Variants in RHD observed in about 807,000 individuals in gnomAD.
RHD encodes the protein blood group Rh(D) polypeptide.
In RHD, 16 loss-of-function variants were observed where a neutral mutation model predicts 45.5. That is an observed-to-expected ratio of 0.35 (90% CI 0.24 to 0.53). The LOEUF (loss-of-function observed/expected upper bound fraction) is 0.53, where lower values mean the gene tolerates loss of function less well. Ranked by LOEUF, RHD falls within the 20% of genes least tolerant of loss-of-function variation. The pLI, the probability that RHD is intolerant of heterozygous loss-of-function variation, is 0.92. For missense variants in RHD, 306 were observed against 532.0 expected (o/e 0.58, Z 4.18); for synonymous variants, 131 against 217.5 (o/e 0.60, Z 3.50).
At chr1:25,286,524 T>C (rs2124628911) in intron 2 of RHD, among the ~76,000 whole-genome samples, 1 of 135,014 alleles carries the variant, frequency 7.4e-6, no homozygotes, top group East Asian at 1.9e-4. Context: ...CAGTGGTTCA[T>C]GCCTGTAATC....
intron 7 of RHD, among the ~76,000 whole-genome samples, chr1:25,313,485 T>C (rs1237062482): frequency 7.5e-6 from 1 of 132,860 alleles, no homozygotes; most frequent in Non-Finnish European, 1.8e-5. Context: ...TAAGCATTGC[T>C]GTACCCTTTT....
chr1:25,318,457 G>A (rs544884001), intron 8 of RHD, among the ~76,000 whole-genome samples: 2 of 130,342 alleles, frequency 1.5e-5, no homozygotes, highest in South Asian at 2.4e-4. Context: ...GCGTGGTGGC[G>A]TGTGCCTGTA....
Position 25,301,763 on chromosome 1 carries a change from A to T in RHD, c.801+77A>T, listed in dbSNP as rs1364159761. On this transcript the variant is annotated intron_variant, in intron 5 of 9. Coordinates refer to ENST00000328664, the MANE Select transcript of RHD (RefSeq NM_016124.6). ...ACATATTTATGCCCCTCCCCACCCC[A>T]GGGCCAGCGTGGGTTGGGAGAGGGC... The T allele has an allele frequency of 1.0e-5, 11 of 1,062,772 alleles. No individual in the cohort carries two copies. The Admixed American group carries it at 2.0e-4, about 19-fold the overall frequency. 65.8% of individuals were successfully genotyped at this position (1,062,772 alleles called of 1,614,324 possible).
intron 6 of RHD, among the ~76,000 whole-genome samples, chr1:25,305,790 CG>C (rs1192241113): frequency 3.1e-5 from 4 of 130,078 alleles, no homozygotes; most frequent in Admixed American, 3.0e-4. Context: ...TTAGTAGAGA[CG>C]GGGTTTCACC....
chr1:25,312,912 C>T (rs1308461816), intron 7 of RHD, among the ~76,000 whole-genome samples: 2 of 11,448 alleles, frequency 1.7e-4, no homozygotes, highest in Non-Finnish European at 2.7e-4. Flanking sequence ...AGAGCAAAAT[C>T]CCATCTCTAA....
chr1:25,320,752 G>A lies in RHD; in HGVS notation c.1154-1137G>A, dbSNP rs1366573483. 1.5e-5 allele frequency among the ~76,000 whole-genome samples: 2 copies of A among 132,026 alleles called. 1 individual carries two copies. Among genetic ancestry groups the A allele is most frequent in the Non-Finnish European group, 3.6e-5 (2 of 55,720 alleles). The allele number at this position is 132,026 out of a possible 152,430, so 86.6% of individuals were successfully genotyped here. A position where few individuals can be genotyped will look rare whatever the true frequency, so the allele number is the denominator to read the frequency against. ...AGCTATCTGGGCAGAGAGTAGACAG[G>A]GAATGGAGGTTGGGCACAGTGGCTC... On this transcript the variant is annotated intron_variant, in intron 8 of 9. Transcript: ENST00000328664.
rs1488232433 is a variant in RHD at position 25,316,322 on chromosome 1, C to T, written c.1074-678C>T. Among the ~76,000 whole-genome samples the T allele has an allele frequency of 2.3e-5, 3 of 129,218 alleles. 1 individual carries two copies. Among genetic ancestry groups the T allele is most frequent in the African/African-American group, 5.3e-5 (2 of 37,570 alleles). The allele number at this position is 129,218 out of a possible 152,430, so 84.8% of individuals were successfully genotyped here. A position where few individuals can be genotyped will look rare whatever the true frequency, so the allele number is the denominator to read the frequency against. On this transcript the variant is annotated intron_variant, in intron 7 of 9. Coordinates refer to ENST00000328664, the MANE Select transcript of RHD (RefSeq NM_016124.6). Reference sequence around the variant, plus strand: ...AGAACCTTCATCTTTAATTGCCTAACGAGAAAACTGGGGCTGGCCAGATGT... The same window carrying T: ...AGAACCTTCATCTTTAATTGCCTAATGAGAAAACTGGGGCTGGCCAGATGT...
At chr1:25,286,144 C>T (rs1641966334) in intron 2 of RHD, among the ~76,000 whole-genome samples, 1 of 135,136 alleles carries the variant, frequency 7.4e-6, no homozygotes, top group East Asian at 1.9e-4. Flanking sequence ...ACAGTCTAGC[C>T]AGCTCCCGAT....
At chr1:25,287,740 G>A (rs1432204692) in intron 2 of RHD, among the ~76,000 whole-genome samples, 2 of 135,304 alleles carry the variant, frequency 1.5e-5, no homozygotes, top group Non-Finnish European at 3.5e-5. Context: ...TATTTTTTTA[G>A]AGACAGGGTC....
rs1254923447 is a variant in RHD at position 25,322,861 on chromosome 1, G to A, written c.1227+899G>A. Among the ~76,000 whole-genome samples, 28 of 127,716 alleles carry A rather than the reference G, an allele frequency of 2.2e-4. 9 individuals carry two copies. The highest frequency in any genetic ancestry group is 5.0e-4 in the Non-Finnish European group (27 of 54,172). The allele number at this position is 127,716 out of a possible 152,430, so 83.8% of individuals were successfully genotyped here. A position where few individuals can be genotyped will look rare whatever the true frequency, so the allele number is the denominator to read the frequency against. The stretch of plus-strand genomic sequence containing the variant: ...CTTTTATACCTTGGTTTAGAAAGGG[G>A]AGCGGGAATTGAGCTGAAGCAATCT... On this transcript the variant is annotated intron_variant, in intron 9 of 9. Coordinates refer to ENST00000328664, the MANE Select transcript of RHD (RefSeq NM_016124.6).
At chr1:25,277,305 T>C (rs1641096116) in intron 1 of RHD, among the ~76,000 whole-genome samples, 1 of 129,120 alleles carries the variant, frequency 7.7e-6, no homozygotes. Flanking sequence ...CCTTTAGAGA[T>C]AGAATAGCCT....
chr1:25,305,002 T>A lies in RHD; in HGVS notation c.939+1543T>A, dbSNP rs181698400. Among the ~76,000 whole-genome samples, 635 of 132,560 alleles carry A rather than the reference T, an allele frequency of 4.8e-3. 97 individuals carry two copies. Among genetic ancestry groups the A allele is most frequent in the African/African-American group, 0.015 (570 of 38,540 alleles). The allele number at this position is 132,560 out of a possible 152,430, so 87.0% of individuals were successfully genotyped here. A position where few individuals can be genotyped will look rare whatever the true frequency, so the allele number is the denominator to read the frequency against. ...ATCATTCCTTCATTCAACACATACG[T>A]TTTAACACTCATCTTGCTTTTCAAG... On this transcript the variant is annotated intron_variant, in intron 6 of 9. Transcript: ENST00000328664.
At chr1:25,276,524 C>T (rs1402290234) in intron 1 of RHD, among the ~76,000 whole-genome samples, 4 of 56,946 alleles carry the variant, frequency 7.0e-5, no homozygotes, top group African/African-American at 2.2e-4. Context: ...GAGACCCCCC[C>T]CCATCTCTAA....
At position 25,294,294 on chromosome 1, in the gene RHD, C is replaced by G; in HGVS notation, c.486+3503C>G. ...CTTGGCAGCTTTCTGCGAGGCATCC[C>G]CATGAACATAATCAGTAACAACTTG... On this transcript the variant is annotated intron_variant, in intron 3 of 9. Transcript: ENST00000328664. The G allele has an allele frequency of 8.1e-6, 10 of 1,229,262 alleles. 3 individuals carry two copies. Among genetic ancestry groups the G allele is most frequent in the Non-Finnish European group, 1.2e-5 (10 of 845,824 alleles). The allele number at this position is 1,229,262 out of a possible 1,614,324, so 76.1% of individuals were successfully genotyped here.
Position 25,309,389 on chromosome 1 carries a change from CTT to C in RHD, c.1073+2663_1073+2664del, listed in dbSNP as rs542488132. On this transcript the variant is annotated intron_variant, in intron 7 of 9. Coordinates refer to ENST00000328664, the MANE Select transcript of RHD (RefSeq NM_016124.6). The stretch of plus-strand genomic sequence containing the variant: ...ACCCTTCTAGCTCTTGTTAACCACT[CTT>C]TTGAATAGCAGAGAAAACCTCAGAC... 6.5e-4 allele frequency among the ~76,000 whole-genome samples: 86 copies of C among 131,600 alleles called. 5 individuals carry two copies. In the East Asian group the frequency reaches 0.016, roughly 24 times the overall value. The allele number at this position is 131,600 out of a possible 152,430, so 86.3% of individuals were successfully genotyped here.
chr1:25,307,320 A>G (rs1643902258), intron 7 of RHD, among the ~76,000 whole-genome samples: 1 of 131,448 alleles, frequency 7.6e-6, no homozygotes, highest in Admixed American at 7.4e-5. Context: ...TGTGGCCCCT[A>G]GACAGTGGAC....
chr1:25,287,475 T>G (rs1244718489), intron 2 of RHD, among the ~76,000 whole-genome samples: 4 of 134,960 alleles, frequency 3.0e-5, no homozygotes, highest in Non-Finnish European at 7.0e-5. Context: ...CCTGACCGGT[T>G]CCCGTCAGGG....
rs1641662525 is a variant in RHD at position 25,283,308 on chromosome 1, A to G, written c.149-1265A>G. Among the ~76,000 whole-genome samples the G allele has an allele frequency of 2.3e-5, 3 of 132,036 alleles. 1 individual carries two copies. Among genetic ancestry groups the G allele is most frequent in the Admixed American group, 2.2e-4 (3 of 13,524 alleles). The allele number at this position is 132,036 out of a possible 152,430, so 86.6% of individuals were successfully genotyped here. ...CACTTTGGGAAACCGAGGTGGGCAG[A>G]TCACTTGAGGTCAGGAGTTCGAGAC... On this transcript the variant is annotated intron_variant, in intron 1 of 9. Coordinates refer to ENST00000328664, the MANE Select transcript of RHD (RefSeq NM_016124.6).
At position 25,291,836 on chromosome 1, in the gene RHD, C is replaced by G. The variant is rs974623558; in HGVS notation, c.486+1045C>G. On this transcript the variant is annotated intron_variant, in intron 3 of 9. Transcript: ENST00000328664. The stretch of plus-strand genomic sequence containing the variant: ...GCTCTCCCAGATCCTCTGCTGTAAC[C>G]CTGACCCTGAGTGAGGACATAGCCA... Among the ~76,000 whole-genome samples the G allele has an allele frequency of 3.0e-5, 4 of 132,476 alleles. 1 individual carries two copies. Among genetic ancestry groups the G allele is most frequent in the African/African-American group, 1.0e-4 (4 of 38,818 alleles). The allele number at this position is 132,476 out of a possible 152,430, so 86.9% of individuals were successfully genotyped here.
Sources: allele counts gnomAD v4.1 joint callset (sites outside exome capture counted in the v4.1 genomes callset), GRCh38; gene constraint gnomAD v4.1.1; transcripts MANE v1.5; gene names NCBI Gene and HGNC (gene_info 2026-07-23, HGNC 2026-07-21).